Variants in EFCAB6 observed in about 807,000 individuals in gnomAD.
EFCAB6 encodes the protein EF-hand calcium binding domain 6.
EFCAB6 carries 156 observed loss-of-function variants against 169.8 expected under a neutral mutation model. The observed-to-expected ratio is 0.92, with a 90% CI of 0.81 to 1.05. The LOEUF (loss-of-function observed/expected upper bound fraction) is 1.05. Among genes scored for constraint, EFCAB6 ranks in the 50% least tolerant of loss-of-function variants. The pLI, the probability that EFCAB6 is intolerant of heterozygous loss-of-function variation, is 0.00. For missense variants in EFCAB6, 1,800 were observed against 1,829.1 expected, an observed-to-expected ratio of 0.98 and a Z score of 0.29; for synonymous variants, 698 against 676.4, an observed-to-expected ratio of 1.03 and a Z score of -0.50.
intron 17 of EFCAB6, among the ~76,000 whole-genome samples, chr22:43,653,547 A>T (rs999457900): frequency 1.2e-4 from 18 of 152,196 alleles, no homozygotes; most frequent in Admixed American, 2.6e-4. Context: ...CATCCTTACA[A>T]CAAGAAAAAA....
intron 20 of EFCAB6, among the ~76,000 whole-genome samples, chr22:43,617,841 C>T (rs1413787187): frequency 3.3e-5 from 5 of 152,014 alleles, no homozygotes; most frequent in Admixed American, 1.3e-4. Flanking sequence ...CAGTGGCTCA[C>T]GCCTGTAATC....
At chr22:43,563,907 C>T (rs933554391) in intron 26 of EFCAB6, among the ~76,000 whole-genome samples, 3 of 152,222 alleles carry the variant, frequency 2.0e-5, no homozygotes, top group Non-Finnish European at 2.9e-5. Context: ...CACAGAACTG[C>T]GTCTCTTGAC....
chr22:43,620,874 A>G (rs1027576361), intron 20 of EFCAB6, among the ~76,000 whole-genome samples: 1 of 152,134 alleles, frequency 6.6e-6, no homozygotes, highest in Non-Finnish European at 1.5e-5. Context: ...CTAATAACCA[A>G]CTTGATCTGA....
At chr22:43,545,364 C>T (rs1285788832) in intron 27 of EFCAB6, among the ~76,000 whole-genome samples, 2 of 152,174 alleles carry the variant, frequency 1.3e-5, no homozygotes, top group African/African-American at 4.8e-5. Context: ...GGCATTATGG[C>T]AGCCTAGACA....
At chr22:43,708,541 A>G (rs191032129) in intron 10 of EFCAB6, among the ~76,000 whole-genome samples, 1 of 152,166 alleles carries the variant, frequency 6.6e-6, no homozygotes, top group African/African-American at 2.4e-5. Context: ...AACAGACTAA[A>G]CTTGACAGTG....
At chr22:43,586,476 AG>A (rs950264772) in intron 24 of EFCAB6, among the ~76,000 whole-genome samples, 3 of 150,966 alleles carry the variant, frequency 2.0e-5, no homozygotes, top group African/African-American at 7.3e-5. Context: ...TAAAGAGGAA[AG>A]GGGTGCTAAT....
intron 2 of EFCAB6, among the ~76,000 whole-genome samples, chr22:43,788,881 A>G (rs541282125): frequency 1.3e-5 from 2 of 152,322 alleles, no homozygotes; most frequent in East Asian, 3.9e-4. Flanking sequence ...AGATCTGTTC[A>G]GTGGACTATT....
chr22:43,776,675 A>G (rs1275589490), intron 3 of EFCAB6, among the ~76,000 whole-genome samples: 1 of 152,148 alleles, frequency 6.6e-6, no homozygotes, highest in Non-Finnish European at 1.5e-5. Flanking sequence ...GGAGCTTGAT[A>G]CGTCCATGAA....
chr22:43,753,693 A>C (rs2060852847), intron 6 of EFCAB6, among the ~76,000 whole-genome samples: 1 of 152,200 alleles, frequency 6.6e-6, no homozygotes, highest in Non-Finnish European at 1.5e-5. Context: ...CCATCAGACC[A>C]AGCTCATTGC....
chr22:43,634,420 C>T (rs79533798), intron 18 of EFCAB6, among the ~76,000 whole-genome samples: 3 of 152,084 alleles, frequency 2.0e-5, no homozygotes, highest in South Asian at 2.1e-4. Context: ...CCACCTCACA[C>T]GGTCATCTCC....
intron 17 of EFCAB6, among the ~76,000 whole-genome samples, chr22:43,647,598 C>A (rs966712161): frequency 6.6e-6 from 1 of 152,184 alleles, no homozygotes; most frequent in African/African-American, 2.4e-5. Context: ...TGAATGTAAC[C>A]TTTAATGGAG....
chr22:43,762,170 T>C (rs1026212252), intron 5 of EFCAB6, among the ~76,000 whole-genome samples: 10 of 152,320 alleles, frequency 6.6e-5, no homozygotes, highest in South Asian at 6.2e-4. Flanking sequence ...ATTACAATTT[T>C]CCCCTTATTC....
intron 3 of EFCAB6, among the ~76,000 whole-genome samples, chr22:43,781,967 C>A (rs2061836921): frequency 6.6e-6 from 1 of 152,140 alleles, no homozygotes; most frequent in Non-Finnish European, 1.5e-5. Context: ...TCCTGACATA[C>A]CACTTAAAAC....
chr22:43,744,207 G>A lies in EFCAB6; in HGVS notation c.508-8214C>T, dbSNP rs2060481182. ...ATGGATGGATGATGAATGAATGGAT[G>A]GAAGGGCTATGGACAGATGGATGTG... is the stretch of plus-strand genomic sequence containing the variant. On this transcript the variant is annotated intron_variant, in intron 6 of 31. Coordinates refer to ENST00000262726, the MANE Select transcript of EFCAB6 (RefSeq NM_022785.4). The surrounding 1 kb of genome is among the most constrained non-coding windows in gnomAD (Gnocchi z 4.3). Among the ~76,000 whole-genome samples the A allele has an allele frequency of 6.6e-6, 1 of 151,746 alleles. No individual in the cohort carries two copies. Among genetic ancestry groups the A allele is most frequent in the Non-Finnish European group, 1.5e-5 (1 of 67,926 alleles).
At chr22:43,745,364 C>T (rs191979779) in intron 6 of EFCAB6, among the ~76,000 whole-genome samples, 63 of 152,350 alleles carry the variant, frequency 4.1e-4, no homozygotes, top group Non-Finnish European at 7.3e-4. Flanking sequence ...GCAGGCCAAG[C>T]TTCTTCATGC....
At chr22:43,604,287 T>C (rs1010027407) in intron 22 of EFCAB6, among the ~76,000 whole-genome samples, 2 of 152,190 alleles carry the variant, frequency 1.3e-5, no homozygotes, top group African/African-American at 2.4e-5. Context: ...ATTCAGTATG[T>C]TCTGATGAAA....
chr22:43,566,296 G>T (rs960126492), intron 26 of EFCAB6, among the ~76,000 whole-genome samples: 1 of 152,192 alleles, frequency 6.6e-6, no homozygotes, highest in Admixed American at 6.5e-5. Flanking sequence ...TGCTGCCCAG[G>T]CGTGGGATCT....
At chr22:43,678,990 T>G (rs2057893974) in intron 12 of EFCAB6, among the ~76,000 whole-genome samples, 1 of 152,206 alleles carries the variant, frequency 6.6e-6, no homozygotes, top group Non-Finnish European at 1.5e-5. Flanking sequence ...ATGCTTACCT[T>G]TTGAGAGTCA....
At chr22:43,771,235 A>G (rs935646355) in intron 4 of EFCAB6, among the ~76,000 whole-genome samples, 3 of 152,174 alleles carry the variant, frequency 2.0e-5, no homozygotes, top group Admixed American at 6.5e-5. Flanking sequence ...ACTCGAGACC[A>G]GCCTGGCCAA....
Sources: allele counts gnomAD v4.1 joint callset (sites outside exome capture counted in the v4.1 genomes callset), GRCh38; gene constraint gnomAD v4.1.1; non-coding constraint Gnocchi (gnomAD v3.1); transcripts MANE v1.5; gene names NCBI Gene and HGNC (gene_info 2026-07-23, HGNC 2026-07-21).